TCFL5: variants seen among roughly 807,000 people sequenced by gnomAD.
TCFL5 encodes the protein transcription factor-like 5 protein.
A neutral mutation model predicts 44.3 loss-of-function variants in TCFL5; 9 were observed. That is an observed-to-expected ratio of 0.20 (90% CI 0.12 to 0.35). The LOEUF (loss-of-function observed/expected upper bound fraction) is 0.35. TCFL5 is among the 10% of genes least tolerant of loss of function. The pLI is 1.00. For missense variants in TCFL5, 603 were observed against 613.4 expected, an observed-to-expected ratio of 0.98 and a Z score of 0.18; for synonymous variants, 319 against 271.6, an observed-to-expected ratio of 1.17 and a Z score of -1.72.
intron 5 of TCFL5, chr20:62,844,899 G>C: frequency 1.0e-6 from 1 of 984,960 alleles, no homozygotes; most frequent in African/African-American, 1.7e-5. Flanking sequence ...CCCAGTCTGT[G>C]TAGTCTTTTT....
At chr20:62,846,146 A>G (rs1053695449) in intron 5 of TCFL5, 10 of 1,227,836 alleles carry the variant, frequency 8.1e-6, no homozygotes, top group East Asian at 5.7e-5. Context: ...TTAATTATCC[A>G]TCTAAATTTA....
intron 5 of TCFL5, chr20:62,844,929 T>G: frequency 1.0e-6 from 1 of 984,976 alleles, no homozygotes. Context: ...TTGTAGTAAC[T>G]TTCTACTTAA....
At chr20:62,855,654 T>C (rs1425886739) in intron 4 of TCFL5, among the ~76,000 whole-genome samples, 1 of 152,038 alleles carries the variant, frequency 6.6e-6, no homozygotes. Flanking sequence ...TAATCCCAGC[T>C]ACTCAGGAGG....
chr20:62,860,955 C>CGCCCCG (rs200323010), intron 1 of TCFL5, 69 bp downstream of exon 1: 252 of 979,618 alleles, frequency 2.6e-4, no homozygotes, highest in Middle Eastern at 5.2e-4. Context: ...CCTTTGCCTC[C>CGCCCCG]GCCCCGGCCC....
chr20:62,860,102 G>A (rs751905056), intron 2 of TCFL5, 23 bp downstream of exon 2: 12 of 1,587,410 alleles, frequency 7.6e-6, no homozygotes, highest in South Asian at 1.1e-5. Context: ...AAAGAGCAAA[G>A]CTTCACAAAT....
Position 62,853,997 on chromosome 20 carries a change from T to C in TCFL5, c.1380+19A>G, listed in dbSNP as rs2063851073. 1 of 1,608,966 alleles carries C rather than the reference T, an allele frequency of 6.2e-7. No individual in the cohort carries two copies. Among genetic ancestry groups the C allele is most frequent in the Non-Finnish European group, 8.5e-7 (1 of 1,177,466 alleles). ...TAAAATTTGTAAAATTCTGAAAATC[T>C]ACCTGGCCTACCACTAACCTTTTTA... is the stretch of plus-strand genomic sequence containing the variant. On this transcript the variant is annotated intron_variant, in intron 5 of 5. Coordinates refer to ENST00000335351, the MANE Select transcript of TCFL5 (RefSeq NM_006602.4).
intron 5 of TCFL5, chr20:62,852,329 T>C (rs189107310): frequency 1.0e-6 from 1 of 984,906 alleles, no homozygotes; most frequent in East Asian, 1.1e-4. Context: ...GGAACTCGGG[T>C]CCCCCAAAGG....
At chr20:62,858,432 A>G (rs1317390988) in intron 3 of TCFL5, among the ~76,000 whole-genome samples, 1 of 152,242 alleles carries the variant, frequency 6.6e-6, no homozygotes, top group African/African-American at 2.4e-5. Context: ...AGGCTGCTTT[A>G]ATACTCATCT....
rs1245397032 is a variant in TCFL5, at chr20:62,852,125, G to A, written c.1380+1891C>T. 4 of 985,360 alleles carry A rather than the reference G, an allele frequency of 4.1e-6. No homozygotes were observed. In the East Asian group the frequency reaches 4.5e-4, roughly 112 times the overall value. The allele number at this position is 985,360 out of a possible 1,614,324, so 61.0% of individuals were successfully genotyped here. On this transcript the variant is annotated intron_variant, in intron 5 of 5. Coordinates refer to ENST00000335351, the MANE Select transcript of TCFL5 (RefSeq NM_006602.4). ...AGGCCTGGGAGCCCTTCTTGGAAGA[G>A]GTCCTTGTTTGTTGCAGCAACCTTA... is the stretch of plus-strand genomic sequence containing the variant.
At chr20:62,860,003 C>T in intron 2 of TCFL5, 122 bp downstream of exon 2, 1 of 1,019,382 alleles carries the variant, frequency 9.8e-7, no homozygotes, top group Middle Eastern at 3.3e-4. Context: ...GCCTTGGCGC[C>T]CGGCTTAAAA....
chr20:62,848,694 C>T (rs896423095), intron 5 of TCFL5, among the ~76,000 whole-genome samples: 3 of 152,064 alleles, frequency 2.0e-5, no homozygotes, highest in East Asian at 1.9e-4. Context: ...GCCGGGATCA[C>T]GCCATTGCAC....
chr20:62,850,647 C>T (rs762934575), intron 5 of TCFL5, among the ~76,000 whole-genome samples: 31 of 152,166 alleles, frequency 2.0e-4, no homozygotes, highest in Non-Finnish European at 4.0e-4. Flanking sequence ...CAGTGTCCCC[C>T]AGCAGCAGGG....
chr20:62,852,608 C>A, intron 5 of TCFL5: 1 of 985,502 alleles, frequency 1.0e-6, no homozygotes, highest in South Asian at 4.7e-5. Context: ...CTGGCGCTAA[C>A]ACGCCGGCTC....
chr20:62,859,475 C>G lies in TCFL5; in HGVS notation c.883G>C (p.Gly295Arg). The change falls in exon 3 of 6, where the codon GGA becomes CGA. Residue 295 changes from glycine (G) to arginine (R), a missense_variant. By Grantham distance (125) the Gly-to-Arg change is moderately radical. Around this residue, in one of 4 missense-constraint regions of TCFL5, gnomAD observed 540 missense variants for 478.7 expected, o/e 1.13. Transcript: ENST00000335351. ...VLEAAKHQDI[G>R]LPRAFSFCYQ... ...CAGAAAGAAAATGCTCTAGGCAATC[C>G]AATATCCTGGTGCTTGGCAGCTTCA... The G allele has an allele frequency of 1.2e-6, 2 of 1,614,014 alleles. No individual in the cohort carries two copies. The highest frequency in any genetic ancestry group is 1.7e-6 in the Non-Finnish European group (2 of 1,180,006).
intron 5 of TCFL5, among the ~76,000 whole-genome samples, chr20:62,849,317 C>G (rs899398618): frequency 1.3e-5 from 2 of 152,146 alleles, no homozygotes; most frequent in Non-Finnish European, 2.9e-5. Flanking sequence ...TTGTACTGTT[C>G]TTGCAATTTT....
At chr20:62,857,674 G>GTATTCT in intron 3 of TCFL5, 36 bp from the exon 4 acceptor site, 1 of 1,601,010 alleles carries the variant, frequency 6.2e-7, no homozygotes, top group Non-Finnish European at 8.5e-7. Context: ...TTTTAATTTT[G>GTATTCT]TATTCTTATC....
chr20:62,860,000 C>A (rs1470086449), intron 2 of TCFL5, 125 bp downstream of exon 2: 7 of 983,146 alleles, frequency 7.1e-6, no homozygotes, highest in South Asian at 6.7e-5. Context: ...TCGGCCTTGG[C>A]GCCCGGCTTA....
At chr20:62,859,999 G>C (rs1041993668) in intron 2 of TCFL5, 126 bp downstream of exon 2, 1 of 973,118 alleles carries the variant, frequency 1.0e-6, no homozygotes. Context: ...GTCGGCCTTG[G>C]CGCCCGGCTT....
At chr20:62,850,559 C>A (rs958731729) in intron 5 of TCFL5, among the ~76,000 whole-genome samples, 2 of 152,178 alleles carry the variant, frequency 1.3e-5, no homozygotes, top group Admixed American at 6.5e-5. Context: ...AGCCATCGCC[C>A]GGCAAGCCAC....
Sources: gnomAD v4.1 joint callset for allele counts (sites outside exome capture counted in the v4.1 genomes callset) on GRCh38, gnomAD v4.1.1 for gene constraint, gnomAD v4.1.1 regional missense constraint, MANE v1.5 for transcripts, NCBI Gene and HGNC (gene_info 2026-07-23, HGNC 2026-07-21) for gene names.